The following HDAC1 variants were observed in gnomAD, a reference collection of about 807,000 sequenced individuals.
The protein encoded by HDAC1 is protein deacetylase HDAC1.
A neutral mutation model predicts 65.5 loss-of-function variants in HDAC1; 18 were observed. The ratio of observed to expected loss-of-function variants is 0.27; its 90% confidence interval spans 0.19 to 0.41. The LOEUF is 0.41. Ranked by LOEUF, HDAC1 falls within the 10% of genes least tolerant of loss-of-function variation. The pLI is 1.00. For synonymous variants in HDAC1, 211 were observed against 227.9 expected, an observed-to-expected ratio of 0.93 and a Z score of 0.67; for missense variants, 373 against 625.2, an observed-to-expected ratio of 0.60 and a Z score of 4.30.
At position 32,298,832 on chromosome 1, in the gene HDAC1, T is replaced by C. The variant is rs555110668; in HGVS notation, c.50-3789T>C. ...GGGCAACATGGTGAAACCCTGACTC[T>C]ACTAAAAATACAAAACTTAGCCAGG... On this transcript the variant is annotated intron_variant, in intron 1 of 13. Transcript: ENST00000373548. Among the ~76,000 whole-genome samples, 190 of 152,064 alleles carry C rather than the reference T, an allele frequency of 1.2e-3. 2 individuals carry two copies. The highest frequency in any genetic ancestry group is 3.4e-4 in the Non-Finnish European group (23 of 67,982).
Position 32,332,689 on chromosome 1 carries a change from CTT to C in HDAC1, c.1373-11_1373-10del. The C allele has an allele frequency of 6.4e-7, 1 of 1,552,964 alleles. No homozygotes were observed. Among genetic ancestry groups the C allele is most frequent in the Non-Finnish European group, 8.7e-7 (1 of 1,147,256 alleles). On this transcript the variant is annotated splice_polypyrimidine_tract_variant and intron_variant, in intron 12 of 13. Transcript: ENST00000373548. ...TGCTGCCCTTGGCCATCCCTGTACT[CTT>C]GTGTTCTAGAAGTCACCGAAGAGGA...
chr1:32,312,485 G>A (rs918273871), intron 2 of HDAC1, among the ~76,000 whole-genome samples: 12 of 149,068 alleles, frequency 8.1e-5, no homozygotes, highest in African/African-American at 3.0e-4. Flanking sequence ...TCAGCCTCCC[G>A]AGTAGCTGGG....
chr1:32,293,901 CAA>C (rs566733201), intron 1 of HDAC1, among the ~76,000 whole-genome samples: 23 of 116,784 alleles, frequency 2.0e-4, no homozygotes, highest in African/African-American at 1.9e-4. Context: ...GACTCCATCT[CAA>C]AAAAAAAAAA....
Position 32,327,118 on chromosome 1 carries a change from G to A in HDAC1, c.494+41G>A. On this transcript the variant is annotated intron_variant, in intron 5 of 13. Transcript: ENST00000373548. This position sits in a 1 kb window ranked among gnomAD's most constrained non-coding sequence, Gnocchi z 6.0. ...CTTGTCTCTTGGAAGAGCACCTTAG[G>A]CCAGGTTCCCATTTCCCTCTTCCCC... The A allele has an allele frequency of 6.2e-7, 1 of 1,605,286 alleles. No individual in the cohort carries two copies. The highest frequency in any genetic ancestry group is 8.5e-7 in the Non-Finnish European group (1 of 1,174,554).
chr1:32,332,618 G>T, intron 12 of HDAC1, 83 bp from the exon 13 acceptor site: 1 of 976,128 alleles, frequency 1.0e-6, no homozygotes, highest in South Asian at 1.4e-5. Flanking sequence ...TAGTGTTGGG[G>T]AAGGGGTCTC....
intron 2 of HDAC1, among the ~76,000 whole-genome samples, chr1:32,314,264 T>C (rs1163251643): frequency 1.3e-5 from 2 of 152,260 alleles, no homozygotes; most frequent in African/African-American, 2.4e-5. Flanking sequence ...AGATCACAGC[T>C]CACTGCAGCC....
intron 3 of HDAC1, among the ~76,000 whole-genome samples, chr1:32,317,445 T>C (rs1472147719): frequency 6.6e-6 from 1 of 152,198 alleles, no homozygotes; most frequent in African/African-American, 2.4e-5. Flanking sequence ...AAATTATCTC[T>C]TAGCACCTAA....
At chr1:32,313,283 T>C (rs1641015105) in intron 2 of HDAC1, among the ~76,000 whole-genome samples, 1 of 151,700 alleles carries the variant, frequency 6.6e-6, no homozygotes, top group Non-Finnish European at 1.5e-5. Context: ...TTATTGGAGA[T>C]GGGGTTTCGC....
At position 32,327,532 on chromosome 1, in the gene HDAC1, C is replaced by A. The variant is rs752068406; in HGVS notation, c.495-4C>A. 6.2e-7 allele frequency: 1 copy of A among 1,612,466 alleles called. No individual in the cohort carries two copies. Among genetic ancestry groups the A allele is most frequent in the East Asian group, 2.2e-5 (1 of 44,870 alleles). On this transcript the variant is annotated splice_region_variant and splice_polypyrimidine_tract_variant and intron_variant, in intron 5 of 13. Transcript: ENST00000373548. The surrounding 1 kb of genome is among the most constrained non-coding windows in gnomAD (Gnocchi z 6.0). ...CCAGACCCCTGACCCCCTTCTGATC[C>A]TAGGTATCACCAGAGGGTGCTGTAC...
chr1:32,328,959 G>A, intron 6 of HDAC1, 109 bp from the exon 7 acceptor site: 1 of 762,500 alleles, frequency 1.3e-6, no homozygotes, highest in Non-Finnish European at 2.4e-6. Flanking sequence ...CCCACATCAT[G>A]GGCCTAGCTT....
chr1:32,294,347 C>T (rs1214554459), intron 1 of HDAC1, among the ~76,000 whole-genome samples: 3 of 151,514 alleles, frequency 2.0e-5, no homozygotes, highest in African/African-American at 2.4e-5. Context: ...TGGGGTTTCA[C>T]GATGTTGGCC....
At chr1:32,328,452 C>T (rs1320622027) in intron 6 of HDAC1, among the ~76,000 whole-genome samples, 1 of 152,014 alleles carries the variant, frequency 6.6e-6, no homozygotes, top group Non-Finnish European at 1.5e-5. Flanking sequence ...CGGGATTTAG[C>T]TGGGATTATA....
At position 32,327,263 on chromosome 1, in the gene HDAC1, C is replaced by T; in HGVS notation, c.494+186C>T. 1.6e-6 allele frequency: 1 copy of T among 635,826 alleles called. No individual in the cohort carries two copies. Among genetic ancestry groups the T allele is most frequent in the South Asian group, 1.9e-5 (1 of 52,410 alleles). The allele number at this position is 635,826 out of a possible 1,614,324, so 39.4% of individuals were successfully genotyped here. On this transcript the variant is annotated intron_variant, in intron 5 of 13. Transcript: ENST00000373548. The surrounding 1 kb of genome is among the most constrained non-coding windows in gnomAD (Gnocchi z 6.0). ...GGTTTGATCTGAGCCACGGCATGAT[C>T]AGGGGCAGATGCTGCTCAGATCCTG...
At chr1:32,315,591 GATCC>G (rs1380933410) in intron 2 of HDAC1, among the ~76,000 whole-genome samples, 2 of 150,772 alleles carry the variant, frequency 1.3e-5, no homozygotes, top group South Asian at 4.2e-4. Context: ...AACCTCAGGT[GATCC>G]ACCCGCCTCA....
At chr1:32,312,698 C>T (rs903248569) in intron 2 of HDAC1, among the ~76,000 whole-genome samples, 2 of 130,670 alleles carry the variant, frequency 1.5e-5, no homozygotes, top group Non-Finnish European at 3.3e-5. Context: ...TTTTTTGAGA[C>T]AGAGTCTCGC....
rs759621434 is a variant in HDAC1 at position 32,331,558 on chromosome 1, C to T, written c.1064C>T (p.Thr355Met). Residue 355 changes from threonine to methionine, a missense_variant, in exon 10 of 14, where the codon ACG becomes ATG. By Grantham distance (81) the Thr-to-Met change is moderately conservative. Transcript: ENST00000373548. This position sits in a 1 kb window ranked among gnomAD's most constrained non-coding sequence, Gnocchi z 4.2. ...ISPSNMTNQN[T>M]NEYLEKIKQR... ...CCTTCCAATATGACTAACCAGAACA[C>T]GAATGAGTACCTGGAGAAGATCAAG... 3.1e-6 allele frequency: 5 copies of T among 1,609,498 alleles called. No individual in the cohort carries two copies. The highest frequency in any genetic ancestry group is 4.5e-5 in the East Asian group (2 of 44,850).
chr1:32,292,104 G>C lies in HDAC1; in HGVS notation c.-66G>C. The C allele has an allele frequency of 2.7e-6, 4 of 1,496,500 alleles. No homozygotes were observed. The East Asian group carries it at 9.8e-5, about 37-fold the overall frequency. The allele number at this position is 1,496,500 out of a possible 1,614,324, so 92.7% of individuals were successfully genotyped here. A position where few individuals can be genotyped will look rare whatever the true frequency, so the allele number is the denominator to read the frequency against. ...CCGCCCCCTCCCCCCTGGGTCGGAC[G>C]CTGAGCGGAGCCGCGGGCGGGAGGG... is the stretch of plus-strand genomic sequence containing the variant. On this transcript the variant is annotated 5_prime_UTR_variant, in exon 1 of 14. Coordinates refer to ENST00000373548, the MANE Select transcript of HDAC1 (RefSeq NM_004964.3).
intron 2 of HDAC1, among the ~76,000 whole-genome samples, chr1:32,305,075 TTA>T (rs1242334968): frequency 1.3e-5 from 2 of 152,226 alleles, no homozygotes; most frequent in African/African-American, 4.8e-5. Flanking sequence ...ACAGTATGTT[TTA>T]GTTTTACATG....
At position 32,292,149 on chromosome 1, in the gene HDAC1, T is replaced by C. The variant is rs1640706413; in HGVS notation, c.-21T>C. 6.5e-7 allele frequency: 1 copy of C among 1,545,416 alleles called. No homozygotes were observed. The highest frequency in any genetic ancestry group is 1.4e-5 in the African/African-American group (1 of 72,420). On this transcript the variant is annotated 5_prime_UTR_variant, in exon 1 of 14. Transcript: ENST00000373548. ...GGAGGGCGGACGGACCGACTGACGG[T>C]AGGGACGGGAGGCGAGCAAGATGGC...
Sources: gnomAD v4.1 joint callset for allele counts (sites outside exome capture counted in the v4.1 genomes callset) on GRCh38, gnomAD v4.1.1 for gene constraint, Gnocchi (gnomAD v3.1) non-coding constraint, MANE v1.5 for transcripts, NCBI Gene and HGNC (gene_info 2026-07-23, HGNC 2026-07-21) for gene names.